Variants in PRMT8 observed in about 807,000 individuals in gnomAD.
PRMT8 encodes the protein protein arginine methyltransferase 8, also known as protein arginine N-methyltransferase 8.
Under a neutral mutation model 47.1 loss-of-function variants are expected in PRMT8, and 7 were observed. The ratio of observed to expected loss-of-function variants is 0.15; its 90% CI spans 0.08 to 0.28. The LOEUF is 0.28. Ranked by LOEUF, PRMT8 falls within the 10% of genes least tolerant of loss-of-function variation. PRMT8 has a pLI of 1.00. For missense variants in PRMT8, 237 were observed against 505.4 expected, an observed-to-expected ratio of 0.47 and a Z score of 5.09; for synonymous variants, 188 against 186.5, an observed-to-expected ratio of 1.01 and a Z score of -0.07.
At chr12:3,491,181 A>G, upstream of PRMT8, 2 of 990,754 alleles carry the variant, frequency 2.0e-6, no homozygotes, top group Non-Finnish European at 2.4e-6. Context: ...AGCCCCTAGG[A>G]GAGACGCGCA....
rs1422335934 is a variant in PRMT8 at position 3,566,476 on chromosome 12, G to A, written c.482-2230G>A. Among the ~76,000 whole-genome samples the A allele has an allele frequency of 6.6e-6, 1 of 152,228 alleles. No homozygotes were observed. The highest frequency in any genetic ancestry group is 1.9e-4 in the East Asian group (1 of 5,198). On this transcript the variant is annotated intron_variant, in intron 4 of 9. Coordinates refer to ENST00000382622, the MANE Select transcript of PRMT8 (RefSeq NM_019854.5). The surrounding 1 kb of genome is among the most constrained non-coding windows in gnomAD (Gnocchi z 4.7). ...GGGCCACCCAAGACTGAACCTCACT[G>A]TAGAGTGACCAGGGTCAATGCATGT... is the stretch of plus-strand genomic sequence containing the variant.
rs1462050228 is a variant in PRMT8, at chr12:3,456,710, G to A, written c.48+75268G>A. Among the ~76,000 whole-genome samples, 4 of 152,210 alleles carry A rather than the reference G, an allele frequency of 2.6e-5. No individual in the cohort carries two copies. The highest frequency in any genetic ancestry group is 5.9e-5 in the Non-Finnish European group (4 of 68,034). ...CTAGTTTGGCCTGGAGGGGAGGGCA[G>A]TGAGGAACCCGTGAGAAGGGGCCAA... On this transcript the variant is annotated intron_variant, in intron 1 of 9. Transcript: ENST00000452611. This position sits in a 1 kb window ranked among gnomAD's most constrained non-coding sequence, Gnocchi z 4.2.
chr12:3,381,857 A>G (rs545387887), intron 1 of PRMT8, among the ~76,000 whole-genome samples: 1 of 152,252 alleles, frequency 6.6e-6, no homozygotes, highest in African/African-American at 2.4e-5. Context: ...AGCCACGCCC[A>G]CTTCCCTCCC....
intron 1 of PRMT8, among the ~76,000 whole-genome samples, chr12:3,382,558 C>T (rs967058335): frequency 1.3e-5 from 2 of 151,776 alleles, no homozygotes; most frequent in African/African-American, 4.8e-5. Flanking sequence ...ATCTTTTGCC[C>T]GTTTTCTAAT....
chr12:3,509,165 C>T (rs760718675), intron 1 of PRMT8, among the ~76,000 whole-genome samples: 13 of 152,102 alleles, frequency 8.5e-5, no homozygotes, highest in Admixed American at 2.0e-4. Flanking sequence ...GTGGCTTTTC[C>T]ATTATTCTTA....
intron 1 of PRMT8, among the ~76,000 whole-genome samples, chr12:3,438,326 A>C (rs1334284197): frequency 6.6e-6 from 1 of 152,232 alleles, no homozygotes; most frequent in Non-Finnish European, 1.5e-5. Context: ...GGTGGGCTGC[A>C]GCCACTGCCA....
At chr12:3,518,740 T>C (rs1483756178) in intron 1 of PRMT8, among the ~76,000 whole-genome samples, 1 of 152,110 alleles carries the variant, frequency 6.6e-6, no homozygotes, top group African/African-American at 2.4e-5. Flanking sequence ...AAACACAGAA[T>C]GTCTCAAAAG....
At position 3,593,422 on chromosome 12, in the gene PRMT8, C is replaced by T. The variant is rs538271440; in HGVS notation, c.*240C>T. ...AAGGCTTTGTGTTGCCAACAAAGAG[C>T]GACCTGGCGTGCTGTGGCTGGGCCC... On this transcript the variant is annotated 3_prime_UTR_variant, in exon 10 of 10. Coordinates refer to ENST00000382622, the MANE Select transcript of PRMT8 (RefSeq NM_019854.5). The surrounding 1 kb of genome is among the most constrained non-coding windows in gnomAD (Gnocchi z 4.8). 64 of 503,216 alleles carry T rather than the reference C, an allele frequency of 1.3e-4. No homozygotes were observed. The East Asian group carries it at 1.9e-3, about 15-fold the overall frequency. 31.2% of individuals were successfully genotyped at this position (503,216 alleles called of 1,614,324 possible).
At chr12:3,549,564 C>T (rs928368406) in intron 2 of PRMT8, among the ~76,000 whole-genome samples, 3 of 151,730 alleles carry the variant, frequency 2.0e-5, no homozygotes, top group African/African-American at 7.3e-5. Context: ...CTTTGAATGA[C>T]GTGTTCAATG....
Position 3,491,275 on chromosome 12 carries a change from G to A in PRMT8, c.-351G>A, listed in dbSNP as rs2137110031. The stretch of plus-strand genomic sequence containing the variant: ...TCCGGCCGGCCGGACTTTGCGAGCA[G>A]CCTGGAGAGGATCCGCGACCGCCGC... On this transcript the variant is annotated 5_prime_UTR_variant, in exon 1 of 10. Transcript: ENST00000382622. The A allele has an allele frequency of 9.0e-7, 1 of 1,114,568 alleles. No homozygotes were observed. Among genetic ancestry groups the A allele is most frequent in the Non-Finnish European group, 1.1e-6 (1 of 910,798 alleles). 69.0% of individuals were successfully genotyped at this position (1,114,568 alleles called of 1,614,324 possible).
chr12:3,389,565 A>C (rs1417821772), intron 1 of PRMT8, among the ~76,000 whole-genome samples: 1 of 152,190 alleles, frequency 6.6e-6, no homozygotes, highest in East Asian at 1.9e-4. Flanking sequence ...GGTATGAAGC[A>C]AAAAGAAACA....
chr12:3,478,895 TA>T (rs1257747691), intron 1 of PRMT8, among the ~76,000 whole-genome samples: 1 of 152,186 alleles, frequency 6.6e-6, no homozygotes. Context: ...CAGTTAGTTT[TA>T]AAAAATAAAA....
chr12:3,418,575 G>C (rs1864507230), intron 1 of PRMT8, among the ~76,000 whole-genome samples: 1 of 152,250 alleles, frequency 6.6e-6, no homozygotes, highest in Non-Finnish European at 1.5e-5. Context: ...GGGGCATCCT[G>C]CTGCAATCTT....
chr12:3,426,178 G>A (rs1316078954), intron 1 of PRMT8, among the ~76,000 whole-genome samples: 1 of 152,256 alleles, frequency 6.6e-6, no homozygotes, highest in Non-Finnish European at 1.5e-5. Flanking sequence ...AGGGGACAAT[G>A]TGGGCCTCTG....
In PRMT8 at chr12:3,403,439, G is replaced by A. The variant is rs144222535; in HGVS notation, c.48+21997G>A. Among the ~76,000 whole-genome samples, 88 of 149,958 alleles carry A rather than the reference G, an allele frequency of 5.9e-4. 2 individuals are homozygous for A. The East Asian group carries it at 0.013, about 23-fold the overall frequency. ...ACACGTTTAACAATGTAACAAACCT[G>A]CACATCCTGCACATGTACCCCTGAA... is the stretch of plus-strand genomic sequence containing the variant. On this transcript the variant is annotated intron_variant, in intron 1 of 9. Transcript: ENST00000452611.
At chr12:3,558,961 C>CCTATCTACCTATCTATCTAT (rs1555094146) in intron 4 of PRMT8, among the ~76,000 whole-genome samples, 10 of 150,106 alleles carry the variant, frequency 6.7e-5, no homozygotes, top group African/African-American at 2.2e-4. Context: ...TATCTATCTA[C>CCTATCTACCTATCTATCTAT]CTATCTATCT....
intron 1 of PRMT8, among the ~76,000 whole-genome samples, chr12:3,417,015 G>A (rs544492583): frequency 6.6e-6 from 1 of 152,356 alleles, no homozygotes; most frequent in East Asian, 1.9e-4. Context: ...TTCCTGTTTA[G>A]CAGAGGGAAC....
At chr12:3,474,104 C>T (rs1220991523) in intron 1 of PRMT8, among the ~76,000 whole-genome samples, 1 of 152,186 alleles carries the variant, frequency 6.6e-6, no homozygotes, top group Non-Finnish European at 1.5e-5. Context: ...CATGCCCTGC[C>T]CTCCTCCAGC....
intron 1 of PRMT8, among the ~76,000 whole-genome samples, chr12:3,512,438 G>C (rs1731415954): frequency 6.6e-6 from 1 of 152,054 alleles, no homozygotes; most frequent in South Asian, 2.1e-4. Flanking sequence ...CCCAAACTGA[G>C]TTCCTCACCT....
Sources: gnomAD v4.1 joint callset for allele counts (sites outside exome capture counted in the v4.1 genomes callset) on GRCh38, gnomAD v4.1.1 for gene constraint, Gnocchi (gnomAD v3.1) non-coding constraint, MANE v1.5 for transcripts, NCBI Gene and HGNC (gene_info 2026-07-23, HGNC 2026-07-21) for gene names.